KCNQ5: variants seen among roughly 807,000 people sequenced by gnomAD.
The protein encoded by KCNQ5 is potassium voltage-gated channel subfamily KQT member 5.
A neutral mutation model predicts 98.2 loss-of-function variants in KCNQ5; 30 were observed. The observed-to-expected ratio is 0.31, with a 90% CI of 0.23 to 0.41. The LOEUF is 0.41. Ranked by LOEUF, KCNQ5 falls within the 10% of genes least tolerant of loss-of-function variation. The pLI, the probability that KCNQ5 is intolerant of heterozygous loss-of-function variation, is 1.00. For missense variants in KCNQ5, 835 were observed against 1,182.5 expected (o/e 0.71, Z 4.31); for synonymous variants, 458 against 449.4 (o/e 1.02, Z -0.24).
At chr6:72,726,495 A>G (rs140044282) in intron 1 of KCNQ5, among the ~76,000 whole-genome samples, 18,058 of 152,100 alleles carry the variant, frequency 0.12, 1,227 homozygotes, top group East Asian at 0.19. Flanking sequence ...TTACAGGCGT[A>G]AGCCACCACG....
chr6:73,141,869 T>C (rs1776727696), intron 10 of KCNQ5, among the ~76,000 whole-genome samples: 1 of 152,218 alleles, frequency 6.6e-6, no homozygotes, highest in Admixed American at 6.5e-5. Flanking sequence ...CTCAATTTAG[T>C]GGTTTGAAAT....
At chr6:73,001,795 T>G (rs552481783) in intron 1 of KCNQ5, among the ~76,000 whole-genome samples, 3 of 152,280 alleles carry the variant, frequency 2.0e-5, no homozygotes, top group East Asian at 3.9e-4. Flanking sequence ...TTTAGTCCAT[T>G]AGGACCAACT....
At chr6:73,128,246 T>G (rs531994399) in intron 9 of KCNQ5, among the ~76,000 whole-genome samples, 19 of 152,342 alleles carry the variant, frequency 1.2e-4, no homozygotes, top group African/African-American at 4.6e-4. Flanking sequence ...CATAAAATAC[T>G]TCTTTAGCAT....
At chr6:72,924,290 C>T (rs988425589) in intron 1 of KCNQ5, among the ~76,000 whole-genome samples, 4 of 152,058 alleles carry the variant, frequency 2.6e-5, no homozygotes, top group African/African-American at 7.2e-5. Flanking sequence ...TTCAAAATAA[C>T]ACACTGAACT....
chr6:72,730,638 G>A (rs1770509552), intron 1 of KCNQ5, among the ~76,000 whole-genome samples: 1 of 151,936 alleles, frequency 6.6e-6, no homozygotes, highest in Non-Finnish European at 1.5e-5. Flanking sequence ...TATTTTTTGT[G>A]TCTGTAACTT....
chr6:72,756,204 C>T (rs1398250999), intron 1 of KCNQ5, among the ~76,000 whole-genome samples: 1 of 152,172 alleles, frequency 6.6e-6, no homozygotes, highest in African/African-American at 2.4e-5. Context: ...GTATGTCCCT[C>T]TTGAGGGGCA....
chr6:73,149,409 A>G, intron 10 of KCNQ5, among the ~76,000 whole-genome samples: 1 of 152,240 alleles, frequency 6.6e-6, no homozygotes, highest in Non-Finnish European at 1.5e-5. Context: ...AATATAAAGC[A>G]TAAAGCTTTT....
At chr6:73,059,450 C>T (rs1772680042) in intron 3 of KCNQ5, among the ~76,000 whole-genome samples, 1 of 152,104 alleles carries the variant, frequency 6.6e-6, no homozygotes, top group Admixed American at 6.6e-5. Context: ...AAAAAAACTA[C>T]CTATCAGGTA....
intron 1 of KCNQ5, among the ~76,000 whole-genome samples, chr6:72,819,204 G>T (rs944999239): frequency 1.4e-4 from 22 of 151,994 alleles, no homozygotes; most frequent in African/African-American, 5.3e-4. Context: ...AATTTATGGT[G>T]TATGTGAGAT....
At chr6:73,063,736 TAGATA>T (rs1224890198) in intron 3 of KCNQ5, among the ~76,000 whole-genome samples, 1 of 125,398 alleles carries the variant, frequency 8.0e-6, no homozygotes, top group African/African-American at 2.7e-5. Flanking sequence ...GATAGATAGA[TAGATA>T]GATAGATAGA....
intron 1 of KCNQ5, among the ~76,000 whole-genome samples, chr6:72,930,975 G>A (rs1167770399): frequency 3.3e-5 from 5 of 152,058 alleles, no homozygotes; most frequent in African/African-American, 9.7e-5. Flanking sequence ...GAACTTTTAC[G>A]TTTGTTGGCT....
At chr6:72,641,452 G>T (rs572552865) in intron 1 of KCNQ5, among the ~76,000 whole-genome samples, 2 of 152,044 alleles carry the variant, frequency 1.3e-5, no homozygotes, top group Admixed American at 1.3e-4. Flanking sequence ...ATGTTAAACA[G>T]GCCTACCACT....
At chr6:73,057,726 T>C (rs1423927023) in intron 3 of KCNQ5, among the ~76,000 whole-genome samples, 6 of 152,050 alleles carry the variant, frequency 3.9e-5, no homozygotes, top group Admixed American at 3.9e-4. Flanking sequence ...TACCAGTTCT[T>C]CACAGAATTA....
intron 1 of KCNQ5, among the ~76,000 whole-genome samples, chr6:72,940,327 AATT>A (rs1451714511): frequency 6.6e-6 from 1 of 152,210 alleles, no homozygotes; most frequent in African/African-American, 2.4e-5. Context: ...ATTTCAGCCA[AATT>A]ATTAACATTT....
At chr6:72,750,426 A>G (rs1247493102) in intron 1 of KCNQ5, among the ~76,000 whole-genome samples, 4 of 152,088 alleles carry the variant, frequency 2.6e-5, no homozygotes, top group African/African-American at 9.7e-5. Flanking sequence ...TTACTTGGGT[A>G]AGATAACCCT....
chr6:72,967,803 T>C (rs1470316329), intron 1 of KCNQ5: 4 of 154,740 alleles, frequency 2.6e-5, no homozygotes, highest in Non-Finnish European at 5.9e-5. Context: ...CACTATGTTG[T>C]CTAGGCAGGT....
chr6:72,662,871 G>T lies in KCNQ5; in HGVS notation c.398+40284G>T, dbSNP rs536288860. ...ATAATTGCTGATTAATAAATAAACC[G>T]CATTTATTGCTTATACTCACTGATA... is the stretch of plus-strand genomic sequence containing the variant. On this transcript the variant is annotated intron_variant, in intron 1 of 13. Coordinates refer to ENST00000370398, the MANE Select transcript of KCNQ5 (RefSeq NM_019842.4). Among the ~76,000 whole-genome samples the T allele has an allele frequency of 1.2e-4, 19 of 152,150 alleles. No individual in the cohort carries two copies. The South Asian group carries it at 1.9e-3, about 15-fold the overall frequency.
chr6:73,043,459 G>T (rs1349092158), intron 3 of KCNQ5, among the ~76,000 whole-genome samples: 1 of 152,156 alleles, frequency 6.6e-6, no homozygotes, highest in Middle Eastern at 3.2e-3. Context: ...AAGCCTTGCA[G>T]GTTCATAAAG....
At chr6:72,761,799 T>C (rs1171367158) in intron 1 of KCNQ5, among the ~76,000 whole-genome samples, 2 of 152,094 alleles carry the variant, frequency 1.3e-5, no homozygotes, top group Non-Finnish European at 2.9e-5. Flanking sequence ...CCTAAAATAT[T>C]ACAGCTCACC....
Sources: allele counts gnomAD v4.1 joint callset (sites outside exome capture counted in the v4.1 genomes callset), GRCh38; gene constraint gnomAD v4.1.1; transcripts MANE v1.5; gene names NCBI Gene and HGNC (gene_info 2026-07-23, HGNC 2026-07-21).